The following CXorf58 variants were observed in gnomAD, a reference collection of about 807,000 sequenced individuals.
CXorf58 encodes the protein chromosome X open reading frame 58, also known as uncharacterized protein CXorf58.
In CXorf58, 24 loss-of-function variants were observed where a neutral mutation model predicts 26.0. That is an observed-to-expected ratio of 0.92 (90% CI 0.67 to 1.30). CXorf58 has a LOEUF of 1.30. Among genes scored for constraint, CXorf58 ranks in the 50% most tolerant of loss-of-function variants. The pLI, the probability that CXorf58 is intolerant of heterozygous loss-of-function variation, is 0.00. For synonymous variants in CXorf58, 87 were observed against 86.1 expected, an observed-to-expected ratio of 1.01 and a Z score of -0.06; for missense variants, 236 against 263.9, an observed-to-expected ratio of 0.89 and a Z score of 0.73.
chrX:23,912,507 C>T (rs6629765), intron 3 of CXorf58, among the ~76,000 whole-genome samples: 3,290 of 111,059 alleles, frequency 0.03, 114 homozygotes, highest in African/African-American at 0.1. Context: ...AATCCCAGCA[C>T]TTTGGGAGGC....
rs1254160722 is a variant in CXorf58 at position 23,935,224 on chromosome X, C to A, written c.584C>A (p.Ala195Glu). The stretch of plus-strand genomic sequence containing the variant: ...CGCAGTTTTTTCGATGAGGCCCCTG[C>A]ATTTTCTGGCGGCAGAAATAACAGC... ...QYRSFFDEAP[A>E]FSGGRNNSWR... The change falls in exon 7 of 9, where the codon GCA becomes GAA. Residue 195 changes from alanine to glutamate, a missense_variant. By Grantham distance (107) the Ala-to-Glu change is moderately radical. Coordinates refer to ENST00000379211, the MANE Select transcript of CXorf58 (RefSeq NM_152761.3). 2.5e-6 allele frequency: 3 copies of A among 1,208,625 alleles called. No individual in the cohort carries two copies. The East Asian group carries it at 8.9e-5, about 36-fold the overall frequency.
At chrX:23,934,926 G>A (rs757249854) in intron 6 of CXorf58, among the ~76,000 whole-genome samples, 3 of 109,298 alleles carry the variant, frequency 2.7e-5, no homozygotes, top group East Asian at 5.8e-4. Flanking sequence ...GTGCAGTGGC[G>A]CGATCTTGGC....
At chrX:23,918,597 CAT>C (rs1363961493) in intron 5 of CXorf58, among the ~76,000 whole-genome samples, 8 of 112,305 alleles carry the variant, frequency 7.1e-5, no homozygotes, top group Admixed American at 5.7e-4. Context: ...TTCTATTCAA[CAT>C]ATGAGTAGTT....
chrX:23,925,322 T>G lies in CXorf58; in HGVS notation c.424-1917T>G, dbSNP rs911693205. Among the ~76,000 whole-genome samples, 3 of 109,386 alleles carry G rather than the reference T, an allele frequency of 2.7e-5. No individual in the cohort carries two copies. In the South Asian group the frequency reaches 1.1e-3, roughly 42 times the overall value. 95.0% of individuals were successfully genotyped at this position (109,386 alleles called of 115,157 possible). A position where few individuals can be genotyped will look rare whatever the true frequency, so the allele number is the denominator to read the frequency against. ...GAACAGTGATTCTCAGTTTTGATCC[T>G]GTCTCAACCACTCTTTCTTTTCTCT... On this transcript the variant is annotated intron_variant, in intron 5 of 8. Transcript: ENST00000379211.
intron 5 of CXorf58, 148 bp from the exon 6 acceptor site, chrX:23,927,089 CTT>C: frequency 2.5e-6 from 1 of 398,494 alleles, no homozygotes; most frequent in Admixed American, 4.1e-5. Context: ...TATATAATCT[CTT>C]TGCAAATGCA....
intron 6 of CXorf58, among the ~76,000 whole-genome samples, chrX:23,928,119 TATTC>T (rs1419129311): frequency 9.0e-6 from 1 of 111,538 alleles, no homozygotes; most frequent in African/African-American, 3.3e-5. Context: ...TATTCTGAAA[TATTC>T]ATAGGCAGTG....
intron 4 of CXorf58, 55 bp downstream of exon 4, chrX:23,915,849 C>T: frequency 1.5e-6 from 1 of 660,669 alleles, no homozygotes; most frequent in Non-Finnish European, 2.3e-6. Flanking sequence ...ATGAGGAAAT[C>T]TTAGATATGG....
chrX:23,921,465 A>G (rs73481749), intron 5 of CXorf58, among the ~76,000 whole-genome samples: 2,070 of 111,696 alleles, frequency 0.019, 41 homozygotes, highest in African/African-American at 0.058. Context: ...ATTTTTCACT[A>G]AACATCATAA....
At chrX:23,919,131 C>G (rs1927801228) in intron 5 of CXorf58, among the ~76,000 whole-genome samples, 1 of 111,875 alleles carries the variant, frequency 8.9e-6, no homozygotes, top group Admixed American at 9.6e-5. Context: ...GGGAAGTTCT[C>G]TGCTGTTATC....
chrX:23,937,244 CAG>C (rs767127057), intron 7 of CXorf58, among the ~76,000 whole-genome samples: 1 of 110,602 alleles, frequency 9.0e-6, no homozygotes, highest in South Asian at 3.8e-4. Flanking sequence ...CCGGGAATGT[CAG>C]AGTCAATGTA....
chrX:23,912,561 T>G (rs140354067), intron 3 of CXorf58, among the ~76,000 whole-genome samples: 1 of 110,714 alleles, frequency 9.0e-6, no homozygotes, highest in Non-Finnish European at 1.9e-5. Flanking sequence ...TTGGCCAACA[T>G]TGAGAAACCC....
chrX:23,926,381 GGA>G (rs781088783), intron 5 of CXorf58, among the ~76,000 whole-genome samples: 8 of 110,983 alleles, frequency 7.2e-5, no homozygotes, highest in Non-Finnish European at 1.3e-4. Context: ...TTGACATTTG[GGA>G]GAGAAAAGAA....
At chrX:23,921,275 C>A (rs1927861142) in intron 5 of CXorf58, among the ~76,000 whole-genome samples, 1 of 111,791 alleles carries the variant, frequency 8.9e-6, no homozygotes, top group African/African-American at 3.2e-5. Flanking sequence ...TTTAAATTAG[C>A]CCACAGATAG....
intron 6 of CXorf58, among the ~76,000 whole-genome samples, chrX:23,932,864 A>G (rs1015579410): frequency 9.0e-5 from 10 of 111,442 alleles, no homozygotes; most frequent in African/African-American, 3.3e-4. Flanking sequence ...GCCTGGTGGC[A>G]CACGCCTATA....
At chrX:23,923,074 C>G (rs903988877) in intron 5 of CXorf58, among the ~76,000 whole-genome samples, 1 of 112,422 alleles carries the variant, frequency 8.9e-6, no homozygotes, top group African/African-American at 3.2e-5. Context: ...TTGCTTTTCT[C>G]CTGGCTCTAG....
chrX:23,910,190 A>G, intron 1 of CXorf58, 93 bp from the exon 2 acceptor site: 1 of 439,289 alleles, frequency 2.3e-6, no homozygotes, highest in Non-Finnish European at 3.9e-6. Context: ...AAGGATTCAG[A>G]ATTAGTACAA....
At chrX:23,932,090 A>G (rs1569255426) in intron 6 of CXorf58, among the ~76,000 whole-genome samples, 1 of 112,385 alleles carries the variant, frequency 8.9e-6, no homozygotes, top group Non-Finnish European at 1.9e-5. Flanking sequence ...GAGTACTTTA[A>G]ACAGTGCTTG....
chrX:23,934,058 G>A (rs1406580629), intron 6 of CXorf58, among the ~76,000 whole-genome samples: 1 of 110,189 alleles, frequency 9.1e-6, no homozygotes, highest in Non-Finnish European at 1.9e-5. Flanking sequence ...CTCAACCCAA[G>A]CATGTCATGA....
intron 1 of CXorf58, among the ~76,000 whole-genome samples, chrX:23,909,827 A>G: frequency 8.9e-6 from 1 of 112,191 alleles, no homozygotes; most frequent in Admixed American, 9.4e-5. Flanking sequence ...TGACTTGCCC[A>G]AAGTCTCACT....
Sources: gnomAD v4.1 joint callset for allele counts (sites outside exome capture counted in the v4.1 genomes callset) on GRCh38, gnomAD v4.1.1 for gene constraint, MANE v1.5 for transcripts, NCBI Gene and HGNC (gene_info 2026-07-23, HGNC 2026-07-21) for gene names.